The following PTPRN2 variants were observed in gnomAD, a reference collection of about 807,000 sequenced individuals.
PTPRN2 encodes the protein receptor-type tyrosine-protein phosphatase N2.
In PTPRN2, 74 loss-of-function variants were observed where a neutral mutation model predicts 118.8. That is an observed-to-expected ratio of 0.62 (90% confidence interval 0.52 to 0.76). The LOEUF is 0.76. Among genes scored for constraint, PTPRN2 ranks in the 30% least tolerant of loss-of-function variants. The probability of loss-of-function intolerance (pLI) is 0.00; values close to 1 mark genes in which losing one functional copy is unlikely to be tolerated. For synonymous variants in PTPRN2, 641 were observed against 608.0 expected, an observed-to-expected ratio of 1.05 and a Z score of -0.80; for missense variants, 1,481 against 1,394.4, an observed-to-expected ratio of 1.06 and a Z score of -0.99.
intron 2 of PTPRN2, among the ~76,000 whole-genome samples, chr7:158,327,253 A>T (rs1803681331): frequency 6.6e-6 from 1 of 151,458 alleles, no homozygotes; most frequent in African/African-American, 2.4e-5. Flanking sequence ...ACATGCACAC[A>T]TTCTCACATG....
At position 158,330,805 on chromosome 7, in the gene PTPRN2, TA is replaced by T. The variant is rs1293925089; in HGVS notation, c.164-13874del. Among the ~76,000 whole-genome samples, 3 of 105,266 alleles carry T rather than the reference TA, an allele frequency of 2.8e-5. 1 individual carries two copies. The highest frequency in any genetic ancestry group is 6.4e-5 in the African/African-American group (2 of 31,312). 69.1% of individuals were successfully genotyped at this position (105,266 alleles called of 152,430 possible). A position where few individuals can be genotyped will look rare whatever the true frequency, so the allele number is the denominator to read the frequency against. Reference sequence around the variant, plus strand: ...GTCACTCACACCCACACTCTCACCATAAGAGCTGACACCCGCAGACGTCACT... The same window carrying T: ...GTCACTCACACCCACACTCTCACCATAGAGCTGACACCCGCAGACGTCACT... On this transcript the variant is annotated intron_variant, in intron 2 of 22. Transcript: ENST00000389418.
chr7:158,263,175 C>A (rs1188469398), intron 3 of PTPRN2, among the ~76,000 whole-genome samples: 3 of 151,558 alleles, frequency 2.0e-5, no homozygotes, highest in Non-Finnish European at 4.4e-5. Context: ...TTCACACACA[C>A]TGCACACACA....
intron 12 of PTPRN2, among the ~76,000 whole-genome samples, chr7:157,734,113 G>T (rs371066978): frequency 2.7e-5 from 2 of 73,058 alleles, no homozygotes; most frequent in African/African-American, 1.1e-4. Flanking sequence ...CGTCCCATGC[G>T]CCCAGCACAG....
chr7:158,071,859 T>C lies in PTPRN2; in HGVS notation c.1723+9439A>G, dbSNP rs1811879131. On this transcript the variant is annotated intron_variant, in intron 11 of 22. Coordinates refer to ENST00000389418, the MANE Select transcript of PTPRN2 (RefSeq NM_002847.5). ...GTGGAGGTGCTCGTGGTGGTGGAGG[T>C]GCTCGTCATATGGAGGTGCTCATGG... Among the ~76,000 whole-genome samples the C allele has an allele frequency of 1.7e-4, 2 of 11,706 alleles. 1 individual carries two copies. Among genetic ancestry groups the C allele is most frequent in the Non-Finnish European group, 3.0e-4 (2 of 6,678 alleles). The allele number at this position is 11,706 out of a possible 152,430, so 7.7% of individuals were successfully genotyped here.
Position 158,489,748 on chromosome 7 carries a change from C to T in PTPRN2, c.150G>A (p.Glu50=), listed in dbSNP as rs1821302887. The T allele has an allele frequency of 3.8e-6, 6 of 1,584,150 alleles. No individual in the cohort carries two copies. The highest frequency in any genetic ancestry group is 4.3e-6 in the Non-Finnish European group (5 of 1,166,372). Residue 50 remains glutamate (E), a synonymous_variant, in exon 2 of 23, where the codon GAG becomes GAA. Transcript: ENST00000389418. ...CCCCACACTCACCGTTCACACAGGC[C>T]TCGGACGCTCCGCAGAGGCCCTCCT... The part of the protein sequence containing the change: ...LLEEGLCGAS[E]ACVNDGVFGR...
intron 12 of PTPRN2, among the ~76,000 whole-genome samples, chr7:157,888,058 G>GT (rs981748241): frequency 2.5e-4 from 11 of 43,156 alleles, no homozygotes; most frequent in Non-Finnish European, 7.7e-4. Context: ...ACGCTGTCTT[G>GT]GGGGGTGTGA....
chr7:158,053,593 T>G (rs1025406150), intron 11 of PTPRN2, among the ~76,000 whole-genome samples: 2 of 152,008 alleles, frequency 1.3e-5, no homozygotes, highest in Non-Finnish European at 2.9e-5. Context: ...CGTAAAGAGG[T>G]TCAATAGGTT....
At chr7:157,840,760 T>C (rs1309429579) in intron 12 of PTPRN2, among the ~76,000 whole-genome samples, 2 of 152,246 alleles carry the variant, frequency 1.3e-5, no homozygotes, top group Admixed American at 6.5e-5. Flanking sequence ...GGGTTGCTGC[T>C]GCTCAGCAGT....
At chr7:158,139,693 G>A (rs576579737) in intron 6 of PTPRN2, among the ~76,000 whole-genome samples, 9 of 152,080 alleles carry the variant, frequency 5.9e-5, no homozygotes, top group East Asian at 5.8e-4. Context: ...GGGGCGGGGC[G>A]GGGGGAAGAC....
At chr7:157,669,299 G>A (rs1796289621) in intron 13 of PTPRN2, among the ~76,000 whole-genome samples, 1 of 152,226 alleles carries the variant, frequency 6.6e-6, no homozygotes, top group Non-Finnish European at 1.5e-5. Flanking sequence ...GGACGTCCTC[G>A]GCTCATGGCC....
At chr7:158,150,790 C>T (rs562339609) in intron 6 of PTPRN2, among the ~76,000 whole-genome samples, 2 of 151,948 alleles carry the variant, frequency 1.3e-5, no homozygotes, top group Non-Finnish European at 2.9e-5. Flanking sequence ...CGACCCAGCA[C>T]TCCTCTCCCT....
chr7:157,888,654 C>T (rs747697168), intron 12 of PTPRN2, among the ~76,000 whole-genome samples: 29 of 150,978 alleles, frequency 1.9e-4, no homozygotes, highest in African/African-American at 5.1e-4. Flanking sequence ...CTGGCCTACG[C>T]GCAGCACCAT....
In PTPRN2 at chr7:157,893,056, G is replaced by A. The variant is rs1367844330; in HGVS notation, c.1788+5617C>T. ...ATCTTTTGAAATGTAAAATGGCCACGTGGAGAAGGATAATGCTCCAGGAGC... is the reference window on the plus strand; with the variant it reads ...ATCTTTTGAAATGTAAAATGGCCACATGGAGAAGGATAATGCTCCAGGAGC... On this transcript the variant is annotated intron_variant, in intron 12 of 22. Transcript: ENST00000389418. This position sits in a 1 kb window ranked among gnomAD's most constrained non-coding sequence, Gnocchi z 4.0. Among the ~76,000 whole-genome samples, 2 of 152,234 alleles carry A rather than the reference G, an allele frequency of 1.3e-5. No individual in the cohort carries two copies. The highest frequency in any genetic ancestry group is 2.9e-5 in the Non-Finnish European group (2 of 68,050).
intron 12 of PTPRN2, among the ~76,000 whole-genome samples, chr7:157,769,743 C>T (rs952955820): frequency 2.6e-5 from 4 of 152,348 alleles, no homozygotes; most frequent in East Asian, 1.9e-4. Context: ...TGTGGCTCAG[C>T]GCGTTCCTGC....
At chr7:157,683,199 T>G (rs1585231517) in intron 12 of PTPRN2, among the ~76,000 whole-genome samples, 1 of 152,218 alleles carries the variant, frequency 6.6e-6, no homozygotes, top group South Asian at 2.1e-4. Flanking sequence ...GGTGGCTGTT[T>G]TTCAAATTTA....
chr7:157,662,773 G>A (rs528857204), intron 13 of PTPRN2, among the ~76,000 whole-genome samples: 3 of 152,204 alleles, frequency 2.0e-5, no homozygotes, highest in Admixed American at 2.0e-4. Flanking sequence ...TCCATGCCGC[G>A]ACTGCTTTCG....
intron 11 of PTPRN2, among the ~76,000 whole-genome samples, chr7:158,040,715 T>C (rs1808396268): frequency 6.6e-6 from 1 of 150,536 alleles, no homozygotes; most frequent in Non-Finnish European, 1.5e-5. Flanking sequence ...CAGCAGTTGA[T>C]CTGCCTTTCT....
At chr7:158,487,428 C>A (rs1821108266) in intron 2 of PTPRN2, among the ~76,000 whole-genome samples, 1 of 152,212 alleles carries the variant, frequency 6.6e-6, no homozygotes, top group South Asian at 2.1e-4. Flanking sequence ...ACATTCTCAC[C>A]AACACCGATT....
chr7:157,594,435 G>A (rs1585079152), intron 17 of PTPRN2, among the ~76,000 whole-genome samples: 1 of 152,212 alleles, frequency 6.6e-6, no homozygotes, highest in South Asian at 2.1e-4. Flanking sequence ...TCGCCAGGAG[G>A]CTGCAGCCTG....
Sources: gnomAD v4.1 joint callset for allele counts (sites outside exome capture counted in the v4.1 genomes callset) on GRCh38, gnomAD v4.1.1 for gene constraint, Gnocchi (gnomAD v3.1) non-coding constraint, MANE v1.5 for transcripts, NCBI Gene and HGNC (gene_info 2026-07-23, HGNC 2026-07-21) for gene names.